The following PLEKHG4B variants were observed in gnomAD, a reference collection of about 807,000 sequenced individuals.
PLEKHG4B encodes pleckstrin homology and RhoGEF domain containing G4B.
Under a neutral mutation model 121.3 loss-of-function variants are expected in PLEKHG4B, and 111 were observed. The observed-to-expected ratio is 0.92, with a 90% CI of 0.78 to 1.07. The LOEUF is 1.07. Ranked by LOEUF, PLEKHG4B falls within the 50% of genes least tolerant of loss-of-function variation. The pLI, the probability that PLEKHG4B is intolerant of heterozygous loss-of-function variation, is 0.00. For missense variants in PLEKHG4B, 1,831 were observed against 1,757.8 expected (o/e 1.04, Z -0.74); for synonymous variants, 738 against 725.0 (o/e 1.02, Z -0.29).
At chr5:164,296 A>G (rs1262736083) in intron 13 of PLEKHG4B, among the ~76,000 whole-genome samples, 4 of 152,328 alleles carry the variant, frequency 2.6e-5, no homozygotes, top group South Asian at 4.1e-4. Flanking sequence ...TTAGATTCTC[A>G]TAAGGAGCAC....
At chr5:155,741 A>C (rs1378962518) in intron 9 of PLEKHG4B, among the ~76,000 whole-genome samples, 2 of 152,162 alleles carry the variant, frequency 1.3e-5, no homozygotes. Context: ...ACAGAGGCGA[A>C]CTGGCCACAG....
intron 6 of PLEKHG4B, 58 bp from the exon 7 acceptor site, chr5:151,455 T>C: frequency 8.3e-7 from 1 of 1,208,456 alleles, no homozygotes; most frequent in Non-Finnish European, 1.2e-6. Flanking sequence ...GGCAATTCTA[T>C]TAATGAAGTT....
rs769943692 is a variant in PLEKHG4B at position 162,751 on chromosome 5, G to A, written c.2679G>A (p.Pro893=). Residue 893 remains proline (P), a synonymous_variant, in exon 13 of 20, where the codon CCG becomes CCA. Coordinates refer to ENST00000637938, the MANE Select transcript of PLEKHG4B (RefSeq NM_052909.5). Reference sequence around the variant, plus strand: ...GCAGCTGGATGGGGCCCCTGGACCCGGAGGCTTGTCCCTCCTCACCCGTGG... The same window carrying A: ...GCAGCTGGATGGGGCCCCTGGACCCAGAGGCTTGTCCCTCCTCACCCGTGG... ...TVSSWMGPLD[P]EACPSSPVAE... is the part of the protein sequence containing the mutation. The A allele has an allele frequency of 1.1e-4, 166 of 1,462,490 alleles. No homozygotes were observed. Among genetic ancestry groups the A allele is most frequent in the East Asian group, 6.6e-4 (27 of 40,634 alleles). 90.6% of individuals were successfully genotyped at this position (1,462,490 alleles called of 1,614,324 possible).
At position 162,931 on chromosome 5, in the gene PLEKHG4B, T is replaced by C. The variant is rs907952901; in HGVS notation, c.2859T>C (p.Arg953=). 9 of 1,551,960 alleles carry C rather than the reference T, an allele frequency of 5.8e-6. No homozygotes were observed. Among genetic ancestry groups the C allele is most frequent in the Non-Finnish European group, 7.8e-6 (9 of 1,149,428 alleles). The change falls in exon 13 of 20, where the codon CGT becomes CGC. Residue 953 remains arginine, a synonymous_variant. Coordinates refer to ENST00000637938, the MANE Select transcript of PLEKHG4B (RefSeq NM_052909.5). The stretch of plus-strand genomic sequence containing the variant: ...TGCAGTACCCCCAGACCCGGCTCCG[T>C]CTGGAAGAGGCCCTTTCTGAGGCTG... The part of the protein sequence containing the change: ...LWLQYPQTRL[R]LEEALSEAAP...
chr5:140,893 G>C (rs1458226691), intron 3 of PLEKHG4B, among the ~76,000 whole-genome samples, 177 bp downstream of exon 3: 1 of 35,158 alleles, frequency 2.8e-5, no homozygotes, highest in Non-Finnish European at 4.9e-5. Flanking sequence ...CACCCCTTCC[G>C]CTGCACACCA....
At position 182,157 on chromosome 5, in the gene PLEKHG4B, G is replaced by T; in HGVS notation, c.4718G>T (p.Ser1573Ile). The change falls in exon 20 of 20, where the codon AGC becomes ATC. Residue 1573 changes from serine (S) to isoleucine (I), a missense_variant. Coordinates refer to ENST00000637938, the MANE Select transcript of PLEKHG4B (RefSeq NM_052909.5). ...LGSLGLLVSS[S>I]PAHPGLWSPA... ...TCGCTGGGCCTGCTTGTGTCCTCCA[G>T]CCCAGCCCACCCGGGCCTATGGAGC... is the stretch of plus-strand genomic sequence containing the variant. 1 of 1,613,980 alleles carries T rather than the reference G, an allele frequency of 6.2e-7. No homozygotes were observed.
In PLEKHG4B at chr5:139,453, A is replaced by G. The variant is rs1735082732; in HGVS notation, c.244-30A>G. 7.5e-6 allele frequency: 3 copies of G among 398,726 alleles called. No individual in the cohort carries two copies. Among genetic ancestry groups the G allele is most frequent in the Non-Finnish European group, 4.4e-6 (1 of 226,122 alleles). The allele number at this position is 398,726 out of a possible 1,614,324, so 24.7% of individuals were successfully genotyped here. On this transcript the variant is annotated intron_variant, in intron 2 of 19. Coordinates refer to ENST00000637938, the MANE Select transcript of PLEKHG4B (RefSeq NM_052909.5). This position sits in a 1 kb window ranked among gnomAD's most constrained non-coding sequence, Gnocchi z 5.0. ...AAGGGCTCAGGACATGGCCGTGCCCACCACTAACCTCCCTCCTCTCTTGTC... is the reference window on the plus strand; with the variant it reads ...AAGGGCTCAGGACATGGCCGTGCCCGCCACTAACCTCCCTCCTCTCTTGTC...
intron 19 of PLEKHG4B, 90 bp from the exon 20 acceptor site, chr5:181,914 G>A (rs568885468): frequency 3.5e-5 from 50 of 1,440,652 alleles, no homozygotes; most frequent in East Asian, 6.9e-5. Flanking sequence ...AAGCCTGGTC[G>A]GCCTTTCAGA....
intron 7 of PLEKHG4B, among the ~76,000 whole-genome samples, chr5:153,763 G>T (rs762886590): frequency 1.2e-4 from 19 of 152,174 alleles, no homozygotes; most frequent in Non-Finnish European, 2.4e-4. Context: ...ACGGCTGCTT[G>T]CAGCCTTGAC....
intron 13 of PLEKHG4B, among the ~76,000 whole-genome samples, chr5:165,950 G>A (rs29677): frequency 9.0e-5 from 1 of 11,104 alleles, no homozygotes; most frequent in Non-Finnish European, 2.7e-4. Flanking sequence ...ATCCTCTGAC[G>A]GGGCGGAGCT....
intron 2 of PLEKHG4B, among the ~76,000 whole-genome samples, chr5:114,315 C>T (rs1560903669): frequency 6.6e-6 from 1 of 152,184 alleles, no homozygotes; most frequent in Non-Finnish European, 1.5e-5. Context: ...GCATTTTACC[C>T]ACCATAGAAC....
rs188577479 is a variant in PLEKHG4B, at chr5:119,370, T to C, written c.243+5922T>C. Among the ~76,000 whole-genome samples, 371 of 152,356 alleles carry C rather than the reference T, an allele frequency of 2.4e-3. 2 individuals are homozygous for C. Among genetic ancestry groups the C allele is most frequent in the African/African-American group, 8.6e-3 (357 of 41,588 alleles). The stretch of plus-strand genomic sequence containing the variant: ...GTGGGAGTTATTTATATCCTACTGC[T>C]GAATGTCATCGCCAAGGTCTGATTT... On this transcript the variant is annotated intron_variant, in intron 2 of 19. Coordinates refer to ENST00000637938, the MANE Select transcript of PLEKHG4B (RefSeq NM_052909.5).
intron 1 of PLEKHG4B, among the ~76,000 whole-genome samples, chr5:103,735 TC>T (rs1328829052): frequency 1.3e-5 from 2 of 152,252 alleles, no homozygotes; most frequent in African/African-American, 4.8e-5. Flanking sequence ...ATGATTCTCT[TC>T]TAGCTATATA....
chr5:122,401 TTTTA>T (rs369224362), intron 2 of PLEKHG4B, among the ~76,000 whole-genome samples: 8,145 of 108,384 alleles, frequency 0.075, 755 homozygotes, highest in African/African-American at 0.34. Context: ...TGCCCTTTAT[TTTTA>T]TTTATTTATT....
intron 2 of PLEKHG4B, among the ~76,000 whole-genome samples, chr5:136,561 A>C (rs1734989164): frequency 6.6e-6 from 1 of 152,246 alleles, no homozygotes; most frequent in Non-Finnish European, 1.5e-5. Context: ...ACATGAAGAG[A>C]TGCTCAACAT....
rs113702484 is a variant in PLEKHG4B at position 159,023 on chromosome 5, C to T, written c.2487+2112C>T. ...TCCCTTCGCCAGCTGGAAGGCCCTG[C>T]GCCTGTGCTTAGCTTCCATCCCACT... On this transcript the variant is annotated intron_variant, in intron 11 of 19. Transcript: ENST00000637938. The surrounding 1 kb of genome is among the most constrained non-coding windows in gnomAD (Gnocchi z 5.5). Among the ~76,000 whole-genome samples, 1,084 of 152,188 alleles carry T rather than the reference C, an allele frequency of 7.1e-3. 10 individuals carry two copies. Among genetic ancestry groups the T allele is most frequent in the African/African-American group, 0.023 (972 of 41,494 alleles).
In PLEKHG4B at chr5:151,561, G is replaced by T. The variant is rs752161263; in HGVS notation, c.1954G>T (p.Glu652Ter). The change falls in exon 7 of 20, where the codon GAA becomes TAA. Residue 652 changes from glutamate to a stop codon, truncating the protein, a stop_gained. Coordinates refer to ENST00000637938, the MANE Select transcript of PLEKHG4B (RefSeq NM_052909.5). LOFTEE classifies it high-confidence loss of function. ...IHSILLLVDKESAFRPDKDAI... is the reference protein window; with the variant it reads ...IHSILLLVDK ...TAGTATCTTGCTGTTGGTAGATAAAGAATCTGCATTTAGGCCTGACAAGGA... is the reference window on the plus strand; with the variant it reads ...TAGTATCTTGCTGTTGGTAGATAAATAATCTGCATTTAGGCCTGACAAGGA... The T allele has an allele frequency of 6.3e-7, 1 of 1,592,758 alleles. No individual in the cohort carries two copies. The highest frequency in any genetic ancestry group is 1.1e-5 in the South Asian group (1 of 90,126).
intron 13 of PLEKHG4B, among the ~76,000 whole-genome samples, chr5:165,306 G>A (rs1319108606): frequency 3.2e-5 from 1 of 31,072 alleles, no homozygotes; most frequent in East Asian, 5.0e-4. Context: ...ACGCTCTGAC[G>A]GGGCGGGGCT....
chr5:173,061 C>T lies in PLEKHG4B; in HGVS notation c.4215C>T (p.Ser1405=). The part of the protein sequence containing the change: ...GSHDVYLYKQ[S]FKTAEIGMTE... ...ACGACGTCTACCTGTACAAGCAGTC[C>T]TTCAAGGTAGCACCCGCCCGGTCCG... Residue 1405 remains serine (S), a synonymous_variant, in exon 17 of 20, where the codon TCC becomes TCT. Coordinates refer to ENST00000637938, the MANE Select transcript of PLEKHG4B (RefSeq NM_052909.5). 1 of 1,613,956 alleles carries T rather than the reference C, an allele frequency of 6.2e-7. No individual in the cohort carries two copies. The highest frequency in any genetic ancestry group is 8.5e-7 in the Non-Finnish European group (1 of 1,179,886).
Sources: gnomAD v4.1 joint callset for allele counts (sites outside exome capture counted in the v4.1 genomes callset) on GRCh38, gnomAD v4.1.1 for gene constraint, Gnocchi (gnomAD v3.1) non-coding constraint, MANE v1.5 for transcripts, NCBI Gene and HGNC (gene_info 2026-07-23, HGNC 2026-07-21) for gene names.